DSCAM: variants seen among roughly 807,000 people sequenced by gnomAD.
DSCAM encodes DS cell adhesion molecule.
Under a neutral mutation model 217.7 loss-of-function variants are expected in DSCAM, and 47 were observed. The ratio of observed to expected loss-of-function variants is 0.22; its 90% CI spans 0.17 to 0.28. DSCAM has a LOEUF of 0.28. Among genes scored for constraint, DSCAM ranks in the 10% least tolerant of loss-of-function variants. The pLI is 1.00. For synonymous variants in DSCAM, 1,056 were observed against 1,015.3 expected, an observed-to-expected ratio of 1.04 and a Z score of -0.76; for missense variants, 2,080 against 2,618.3, an observed-to-expected ratio of 0.79 and a Z score of 4.49.
chr21:40,681,934 C>G (rs2146424433), intron 3 of DSCAM, among the ~76,000 whole-genome samples: 1 of 152,232 alleles, frequency 6.6e-6, no homozygotes, highest in East Asian at 1.9e-4. Context: ...AGGGACCCTC[C>G]CCAGAGTACT....
At chr21:40,597,192 G>C (rs2077027576) in intron 3 of DSCAM, among the ~76,000 whole-genome samples, 1 of 152,096 alleles carries the variant, frequency 6.6e-6, no homozygotes, top group South Asian at 2.1e-4. Flanking sequence ...TCTAAGCCAG[G>C]TTGGCTATTA....
chr21:40,493,163 C>T (rs1347390929), intron 3 of DSCAM, among the ~76,000 whole-genome samples: 1 of 152,152 alleles, frequency 6.6e-6, no homozygotes, highest in Non-Finnish European at 1.5e-5. Context: ...TATACAAAAT[C>T]TCTATACTTT....
At chr21:40,055,918 C>A in intron 28 of DSCAM, 78 bp from the exon 29 acceptor site, 1 of 1,057,290 alleles carries the variant, frequency 9.5e-7, no homozygotes, top group Non-Finnish European at 1.5e-6. Context: ...TGTATACCAA[C>A]TTAGTTTATT....
chr21:40,046,604 C>T (rs1329014955), intron 30 of DSCAM, among the ~76,000 whole-genome samples: 1 of 152,156 alleles, frequency 6.6e-6, no homozygotes, highest in Non-Finnish European at 1.5e-5. Flanking sequence ...ATAAGTGGAG[C>T]TTAAATAAGT....
chr21:40,329,945 A>T (rs1162611034), intron 8 of DSCAM, among the ~76,000 whole-genome samples: 1 of 151,884 alleles, frequency 6.6e-6, no homozygotes, highest in African/African-American at 2.4e-5. Context: ...AGTCCAAGAG[A>T]TCTATTGTAC....
At chr21:40,616,598 C>T (rs570938249) in intron 3 of DSCAM, among the ~76,000 whole-genome samples, 46 of 152,268 alleles carry the variant, frequency 3.0e-4, no homozygotes, top group African/African-American at 1.0e-3. Flanking sequence ...TGCTGGGTCT[C>T]CTCTAGACAC....
intron 3 of DSCAM, among the ~76,000 whole-genome samples, chr21:40,631,297 C>T (rs950876368): frequency 2.6e-5 from 4 of 152,142 alleles, no homozygotes; most frequent in African/African-American, 9.7e-5. Context: ...CAAATCTCAC[C>T]GCTTGATAAT....
chr21:40,785,535 G>A (rs1187827198), intron 1 of DSCAM, among the ~76,000 whole-genome samples: 2 of 152,180 alleles, frequency 1.3e-5, no homozygotes, highest in Non-Finnish European at 2.9e-5. Flanking sequence ...AATAAATAAA[G>A]CATAAAAGTA....
In DSCAM at chr21:40,055,782, T is replaced by C; in HGVS notation, c.4978A>G (p.Ile1660Val). Residue 1660 changes from isoleucine (I) to valine (V), a missense_variant, in exon 29 of 33, where the codon ATC becomes GTC. Around this residue, in one of 5 missense-constraint regions of DSCAM, gnomAD observed 1,144 missense variants for 1,421.1 expected, o/e 0.81. Coordinates refer to ENST00000400454, the MANE Select transcript of DSCAM (RefSeq NM_001389.5). ...SKQQQTLRMH[I>V]DIPRAQLLIE... is the part of the protein sequence containing the mutation. ...AAAAGCTGAGCCCTGGGTATGTCGA[T>C]GTGCATTCGCAGGGTCTGCTGTTGC... The C allele has an allele frequency of 6.2e-7, 1 of 1,614,040 alleles. No homozygotes were observed. The highest frequency in any genetic ancestry group is 8.5e-7 in the Non-Finnish European group (1 of 1,179,872).
intron 16 of DSCAM, among the ~76,000 whole-genome samples, chr21:40,160,662 A>T (rs1291236551): frequency 2.0e-5 from 3 of 152,222 alleles, no homozygotes; most frequent in Non-Finnish European, 4.4e-5. Flanking sequence ...GATGAGCGTC[A>T]ATAGATGTCC....
intron 1 of DSCAM, among the ~76,000 whole-genome samples, chr21:40,781,081 T>C (rs1268311783): frequency 1.3e-5 from 2 of 152,066 alleles, no homozygotes; most frequent in Non-Finnish European, 2.9e-5. Flanking sequence ...CAATCTTGGC[T>C]CACTGTAACC....
chr21:40,622,505 A>T (rs1046113173), intron 3 of DSCAM, among the ~76,000 whole-genome samples: 4 of 152,062 alleles, frequency 2.6e-5, no homozygotes, highest in Admixed American at 1.3e-4. Flanking sequence ...TTGCATATTC[A>T]TTTCACTATT....
At chr21:40,278,680 C>G (rs2073720886) in intron 10 of DSCAM, among the ~76,000 whole-genome samples, 1 of 151,924 alleles carries the variant, frequency 6.6e-6, no homozygotes, top group Admixed American at 6.6e-5. Flanking sequence ...CCACTGTACT[C>G]TAGCCTGGGT....
intron 3 of DSCAM, among the ~76,000 whole-genome samples, chr21:40,655,603 T>A (rs1209172644): frequency 6.6e-6 from 1 of 152,082 alleles, no homozygotes; most frequent in Non-Finnish European, 1.5e-5. Flanking sequence ...CCACCATGTC[T>A]GGCTAATTTT....
chr21:40,483,205 A>G (rs1478736388), intron 3 of DSCAM, among the ~76,000 whole-genome samples: 1 of 152,238 alleles, frequency 6.6e-6, no homozygotes, highest in Non-Finnish European at 1.5e-5. Context: ...ACTCCTCATG[A>G]TCTTGCAGGA....
chr21:40,135,793 CT>C (rs34674638), intron 18 of DSCAM, among the ~76,000 whole-genome samples: 2 of 152,110 alleles, frequency 1.3e-5, no homozygotes, highest in Non-Finnish European at 2.9e-5. Flanking sequence ...TTTTGTTCAT[CT>C]TTTTTTTGTC....
At chr21:40,729,245 T>C (rs2090987969) in intron 1 of DSCAM, among the ~76,000 whole-genome samples, 2 of 152,212 alleles carry the variant, frequency 1.3e-5, no homozygotes, top group Admixed American at 1.3e-4. Flanking sequence ...CTTTGAACTC[T>C]GTCGTGAGGA....
intron 3 of DSCAM, chr21:40,629,405 C>G (rs955684553): frequency 6.6e-6 from 1 of 152,150 alleles, no homozygotes; most frequent in Non-Finnish European, 1.5e-5. Context: ...TCCAGTTAAA[C>G]GATACCCAAA....
chr21:40,710,375 T>C (rs571851596), intron 1 of DSCAM, among the ~76,000 whole-genome samples: 106 of 152,382 alleles, frequency 7.0e-4, no homozygotes, highest in Middle Eastern at 3.4e-3. Flanking sequence ...ATTTCCCTTG[T>C]GGTCCACCTG....
Sources: allele counts gnomAD v4.1 joint callset (sites outside exome capture counted in the v4.1 genomes callset), GRCh38; gene constraint gnomAD v4.1.1; regional missense constraint gnomAD v4.1.1; transcripts MANE v1.5; gene names NCBI Gene and HGNC (gene_info 2026-07-23, HGNC 2026-07-21).